MACROD1: variants seen among roughly 807,000 people sequenced by gnomAD.
MACROD1 encodes the protein mono-ADP ribosylhydrolase 1, also known as ADP-ribose glycohydrolase MACROD1.
In MACROD1, 31 loss-of-function variants were observed where a neutral mutation model predicts 41.4. The observed-to-expected ratio is 0.75, with a 90% CI of 0.56 to 1.01. The LOEUF (loss-of-function observed/expected upper bound fraction) is 1.01. Among genes scored for constraint, MACROD1 ranks in the 50% least tolerant of loss-of-function variants. MACROD1 has a pLI of 0.00. For synonymous variants in MACROD1, 252 were observed against 203.4 expected, an observed-to-expected ratio of 1.24 and a Z score of -2.03; for missense variants, 473 against 460.0, an observed-to-expected ratio of 1.03 and a Z score of -0.26.
chr11:64,131,429 C>T (rs576839239), intron 3 of MACROD1, among the ~76,000 whole-genome samples: 6 of 152,170 alleles, frequency 3.9e-5, no homozygotes, highest in Non-Finnish European at 7.3e-5. Flanking sequence ...CAGGTTCAAG[C>T]GATTCTCCTG....
intron 4 of MACROD1, among the ~76,000 whole-genome samples, chr11:64,000,847 G>C (rs1942813114): frequency 6.6e-6 from 1 of 152,080 alleles, no homozygotes; most frequent in East Asian, 1.9e-4. Flanking sequence ...ACGGGGCGGC[G>C]GCAAACCCTA....
chr11:64,035,602 C>T (rs891127399), intron 3 of MACROD1, among the ~76,000 whole-genome samples: 1 of 98,842 alleles, frequency 1.0e-5, no homozygotes, highest in Non-Finnish European at 1.9e-5. Flanking sequence ...TAGCCGAGGG[C>T]GGGGGAGGGG....
At chr11:64,136,865 A>G (rs1218084767) in intron 3 of MACROD1, among the ~76,000 whole-genome samples, 3 of 152,162 alleles carry the variant, frequency 2.0e-5, no homozygotes, top group African/African-American at 4.8e-5. Flanking sequence ...GGCCTCCCCA[A>G]GTCTCTGCAG....
intron 3 of MACROD1, among the ~76,000 whole-genome samples, chr11:64,018,160 G>A (rs1009555504): frequency 3.3e-5 from 5 of 152,138 alleles, no homozygotes; most frequent in Non-Finnish European, 5.9e-5. Context: ...CTGCGGCCCA[G>A]TGCTGGGGGC....
At position 64,065,247 on chromosome 11, in the gene MACROD1, T is replaced by C. The variant is rs187829752; in HGVS notation, c.518-49966A>G. ...GAAGAGCGGGTAGAGTGTTGAGCGA[T>C]CGGAGCAGTGAGGCGGTGGGTGGGC... On this transcript the variant is annotated intron_variant, in intron 3 of 10. Transcript: ENST00000255681. Among the ~76,000 whole-genome samples, 42 of 152,154 alleles carry C rather than the reference T, an allele frequency of 2.8e-4. 1 individual carries two copies. The East Asian group carries it at 4.4e-3, about 16-fold the overall frequency.
At chr11:64,070,228 G>A (rs758327627) in intron 3 of MACROD1, among the ~76,000 whole-genome samples, 1 of 152,122 alleles carries the variant, frequency 6.6e-6, no homozygotes, top group Non-Finnish European at 1.5e-5. Flanking sequence ...TGCACCAAGT[G>A]GGGTGTCTGA....
intron 1 of MACROD1, among the ~76,000 whole-genome samples, chr11:64,155,991 C>T (rs902933731): frequency 1.3e-5 from 2 of 151,802 alleles, no homozygotes; most frequent in Non-Finnish European, 2.9e-5. Flanking sequence ...GCCTGTAATC[C>T]CAGCTACTCG....
intron 3 of MACROD1, among the ~76,000 whole-genome samples, chr11:64,092,508 C>T (rs1404447782): frequency 6.6e-6 from 1 of 152,186 alleles, no homozygotes; most frequent in African/African-American, 2.4e-5. Context: ...ACAGCATCCA[C>T]GATGGGAGGA....
At position 64,131,429 on chromosome 11, in the gene MACROD1, C is replaced by A. The variant is rs576839239; in HGVS notation, c.517+19810G>T. Among the ~76,000 whole-genome samples the A allele has an allele frequency of 2.0e-4, 31 of 152,288 alleles. No homozygotes were observed. The South Asian group carries it at 5.4e-3, about 26-fold the overall frequency. On this transcript the variant is annotated intron_variant, in intron 3 of 10. Coordinates refer to ENST00000255681, the MANE Select transcript of MACROD1 (RefSeq NM_014067.4). ...GCAGCTTCCGCCTCCCAGGTTCAAGCGATTCTCCTGCCTCAGCCTCCCAAG... is the reference window on the plus strand; with the variant it reads ...GCAGCTTCCGCCTCCCAGGTTCAAGAGATTCTCCTGCCTCAGCCTCCCAAG...
At chr11:64,137,896 T>C (rs1012076011) in intron 3 of MACROD1, among the ~76,000 whole-genome samples, 2 of 152,240 alleles carry the variant, frequency 1.3e-5, no homozygotes, top group Admixed American at 1.3e-4. Flanking sequence ...CCTGTTTTAA[T>C]GGTTCTCAAT....
chr11:63,999,937 G>C (rs1942790838), intron 5 of MACROD1, 174 bp from the exon 6 acceptor site: 1 of 736,664 alleles, frequency 1.4e-6, no homozygotes, highest in Admixed American at 3.0e-5. Context: ...ATCCGCACGC[G>C]CACAGAGCCC....
At chr11:64,117,167 C>T (rs967595384) in intron 3 of MACROD1, 6 of 1,613,860 alleles carry the variant, frequency 3.7e-6, no homozygotes, top group Non-Finnish European at 5.1e-6. Context: ...AGCGGCTGGA[C>T]CTGTCCAACA....
At chr11:64,027,913 T>C (rs1189868371) in intron 3 of MACROD1, among the ~76,000 whole-genome samples, 3 of 152,176 alleles carry the variant, frequency 2.0e-5, no homozygotes, top group South Asian at 2.1e-4. Context: ...GAATAGGAAG[T>C]GTTGCACCAA....
chr11:64,035,310 C>T (rs1290387573), intron 3 of MACROD1, among the ~76,000 whole-genome samples: 3 of 151,772 alleles, frequency 2.0e-5, no homozygotes, highest in Non-Finnish European at 4.4e-5. Flanking sequence ...AGGGAAGGGG[C>T]GCCAGGCAGG....
chr11:64,020,571 G>A (rs1370296729), intron 3 of MACROD1, among the ~76,000 whole-genome samples: 7 of 151,864 alleles, frequency 4.6e-5, no homozygotes, highest in African/African-American at 1.7e-4. Context: ...ATGCTCTCCA[G>A]CCCCAGACCC....
intron 3 of MACROD1, among the ~76,000 whole-genome samples, chr11:64,111,084 T>C (rs915163147): frequency 1.3e-5 from 2 of 152,206 alleles, no homozygotes; most frequent in Non-Finnish European, 2.9e-5. Flanking sequence ...AAAGGTGCAA[T>C]TTAGACTCTA....
intron 3 of MACROD1, among the ~76,000 whole-genome samples, chr11:64,049,794 C>T (rs922074303): frequency 2.6e-5 from 4 of 152,210 alleles, no homozygotes; most frequent in African/African-American, 9.6e-5. Context: ...GGGGGACCCA[C>T]AAGTGAAGTC....
intron 4 of MACROD1, chr11:64,001,419 G>A (rs764509999): frequency 4.6e-5 from 32 of 702,244 alleles, no homozygotes; most frequent in Non-Finnish European, 6.5e-5. Flanking sequence ...GCTCACAGGC[G>A]GGCATCAAGA....
intron 3 of MACROD1, among the ~76,000 whole-genome samples, chr11:64,080,528 A>G (rs1590879073): frequency 6.6e-6 from 1 of 152,340 alleles, no homozygotes. Flanking sequence ...AGGGACAAAA[A>G]TAAGCACCTA....
Sources: allele counts gnomAD v4.1 joint callset (sites outside exome capture counted in the v4.1 genomes callset), GRCh38; gene constraint gnomAD v4.1.1; transcripts MANE v1.5; gene names NCBI Gene and HGNC (gene_info 2026-07-23, HGNC 2026-07-21).